Variants in CRLF2 observed in about 807,000 individuals in gnomAD.
CRLF2 encodes the protein cytokine receptor-like factor 2.
In CRLF2, 41 loss-of-function variants were observed where a neutral mutation model predicts 38.7. The observed-to-expected ratio is 1.06, with a 90% CI of 0.83 to 1.37. The LOEUF (loss-of-function observed/expected upper bound fraction) is 1.37, where lower values mean the gene tolerates loss of function less well. CRLF2 is among the 40% of genes most tolerant of loss of function. The pLI is 0.00. For missense variants in CRLF2, 377 were observed against 322.2 expected, an observed-to-expected ratio of 1.17 and a Z score of -1.30; for synonymous variants, 140 against 128.8, an observed-to-expected ratio of 1.09 and a Z score of -0.59.
In CRLF2 at chrX:1,202,644, A is replaced by C; in HGVS notation, c.350-109T>G. 6 of 1,239,414 alleles carry C rather than the reference A, an allele frequency of 4.8e-6. No homozygotes were observed. The South Asian group carries it at 7.6e-5, about 16-fold the overall frequency. The allele number at this position is 1,239,414 out of a possible 1,614,324, so 76.8% of individuals were successfully genotyped here. ...GTACCCCTCCTCCCCTTAATACCTT[A>C]TGGTGTCTCGGGGTTCACCCGTCCT... On this transcript the variant is annotated intron_variant, in intron 3 of 7. Coordinates refer to ENST00000400841, the MANE Select transcript of CRLF2 (RefSeq NM_022148.4).
intron 7 of CRLF2, among the ~76,000 whole-genome samples, chrX:1,191,679 G>GC (rs2086383460): frequency 6.6e-6 from 1 of 151,222 alleles, no homozygotes; most frequent in Non-Finnish European, 1.5e-5. Context: ...TTACAGACGT[G>GC]CACCACCACA....
chrX:1,210,381 C>T (rs112258175), intron 1 of CRLF2, among the ~76,000 whole-genome samples: 63,797 of 151,690 alleles, frequency 0.42, 14,385 homozygotes, highest in African/African-American at 0.57. Flanking sequence ...TGGTGCGATC[C>T]CGGCTCACTG....
At position 1,196,768 on chromosome X, in the gene CRLF2, A is replaced by G; in HGVS notation, c.767+12T>C. 2 of 1,612,886 alleles carry G rather than the reference A, an allele frequency of 1.2e-6. No homozygotes were observed. The highest frequency in any genetic ancestry group is 1.7e-6 in the Non-Finnish European group (2 of 1,179,354). The stretch of plus-strand genomic sequence containing the variant: ...GGTCCCTCCACCCACGGGCGGCAGG[A>G]GTCATCCTTACCTCCATAATTTCCA... On this transcript the variant is annotated intron_variant, in intron 6 of 7. Transcript: ENST00000400841.
chrX:1,193,636 G>A (rs1234110368), intron 6 of CRLF2, among the ~76,000 whole-genome samples: 1 of 151,926 alleles, frequency 6.6e-6, no homozygotes, highest in Non-Finnish European at 1.5e-5. Flanking sequence ...AAAAAAATTA[G>A]CCGGGCGTGG....
intron 1 of CRLF2, among the ~76,000 whole-genome samples, chrX:1,212,339 T>C (rs1316445932): frequency 6.7e-6 from 1 of 148,632 alleles, no homozygotes; most frequent in African/African-American, 2.5e-5. Context: ...TAAGTATACT[T>C]AATATTCATG....
intron 5 of CRLF2, among the ~76,000 whole-genome samples, chrX:1,197,359 C>T (rs1321831684): frequency 6.6e-6 from 1 of 151,702 alleles, no homozygotes; most frequent in African/African-American, 2.4e-5. Flanking sequence ...GAAAGAGACA[C>T]CGTGTCTCTG....
chrX:1,191,348 T>TCCTTCCTTC (rs1556415577), intron 7 of CRLF2, among the ~76,000 whole-genome samples, 188 bp from the exon 8 acceptor site: 3 of 122,756 alleles, frequency 2.4e-5, no homozygotes, highest in African/African-American at 8.4e-5. Flanking sequence ...TTTCTTTCCT[T>TCCTTCCTTC]CTTTCTTTCT....
intron 3 of CRLF2, among the ~76,000 whole-genome samples, chrX:1,204,712 A>T (rs2086663126): frequency 6.7e-6 from 1 of 149,916 alleles, no homozygotes; most frequent in South Asian, 2.1e-4. Context: ...TTTTTAATAG[A>T]GACGGGGTTT....
intron 1 of CRLF2, among the ~76,000 whole-genome samples, chrX:1,209,394 C>T (rs1233391656): frequency 4.6e-5 from 7 of 151,284 alleles, no homozygotes; most frequent in African/African-American, 1.7e-4. Flanking sequence ...TGCAGTGGCG[C>T]AATCTCGGCT....
At position 1,208,662 on chromosome X, in the gene CRLF2, C is replaced by T; in HGVS notation, c.182+144G>A. The T allele has an allele frequency of 6.3e-6, 4 of 635,350 alleles. No individual in the cohort carries two copies. In the South Asian group the frequency reaches 7.7e-5, roughly 12 times the overall value. The allele number at this position is 635,350 out of a possible 1,614,324, so 39.4% of individuals were successfully genotyped here. A position where few individuals can be genotyped will look rare whatever the true frequency, so the allele number is the denominator to read the frequency against. ...AATGAGATTGTGGTTGTGGTGAGGG[C>T]TGAGGGTTTCACAGAACAAACATTC... On this transcript the variant is annotated intron_variant, in intron 2 of 7. Coordinates refer to ENST00000400841, the MANE Select transcript of CRLF2 (RefSeq NM_022148.4).
intron 4 of CRLF2, among the ~76,000 whole-genome samples, chrX:1,201,694 G>A (rs1325668701): frequency 1.3e-5 from 2 of 150,970 alleles, no homozygotes; most frequent in Non-Finnish European, 3.0e-5. Context: ...TAGATAGATA[G>A]ATGATACTTA....
chrX:1,192,724 C>CT (rs1425395985), intron 7 of CRLF2, among the ~76,000 whole-genome samples: 1 of 65,660 alleles, frequency 1.5e-5, no homozygotes, highest in Non-Finnish European at 2.9e-5. Flanking sequence ...TTCTTTCTTT[C>CT]TTTCTTTCTT....
At chrX:1,207,531 T>TG (rs2086714368) in intron 2 of CRLF2, among the ~76,000 whole-genome samples, 1 of 107,720 alleles carries the variant, frequency 9.3e-6, no homozygotes, top group Non-Finnish European at 1.7e-5. Context: ...CCCAAAGTGC[T>TG]GGGATAACAG....
chrX:1,206,942 C>CTTT (rs766628411), intron 2 of CRLF2, among the ~76,000 whole-genome samples: 5 of 115,666 alleles, frequency 4.3e-5, no homozygotes, highest in African/African-American at 1.0e-4. Context: ...ACCACACCGG[C>CTTT]TTTTTTTTTT....
At chrX:1,192,726 TTCTTTC>T (rs1241020138) in intron 7 of CRLF2, among the ~76,000 whole-genome samples, 2 of 95,474 alleles carry the variant, frequency 2.1e-5, no homozygotes, top group East Asian at 4.3e-4. Context: ...CTTTCTTTCT[TTCTTTC>T]TTTCTTTCTT....
At chrX:1,192,211 A>C (rs2086396172) in intron 7 of CRLF2, among the ~76,000 whole-genome samples, 2 of 140,022 alleles carry the variant, frequency 1.4e-5, no homozygotes, top group South Asian at 4.6e-4. Flanking sequence ...TCTCAAAAAA[A>C]AAAAAAAAAC....
chrX:1,191,295 C>CTT (rs1556415440), intron 7 of CRLF2, 135 bp from the exon 8 acceptor site: 18 of 331,228 alleles, frequency 5.4e-5, no homozygotes, highest in South Asian at 4.0e-4. Flanking sequence ...CTTTTCTTTT[C>CTT]TCTTTCTTTC....
chrX:1,190,700 C>T lies in CRLF2; in HGVS notation c.*197G>A, dbSNP rs1465818246. On this transcript the variant is annotated 3_prime_UTR_variant, in exon 8 of 8. Transcript: ENST00000400841. ...CCATCTGCCATCAAGCCTTTGAACA[C>T]AGAGACTCATGTGGGGGAAAGTTAG... 7.5e-6 allele frequency: 3 copies of T among 397,536 alleles called. No individual in the cohort carries two copies. Among genetic ancestry groups the T allele is most frequent in the African/African-American group, 2.1e-5 (1 of 48,644 alleles). 24.6% of individuals were successfully genotyped at this position (397,536 alleles called of 1,614,324 possible). A position where few individuals can be genotyped will look rare whatever the true frequency, so the allele number is the denominator to read the frequency against.
intron 4 of CRLF2, among the ~76,000 whole-genome samples, chrX:1,200,185 A>C (rs1319583816): frequency 6.6e-6 from 1 of 151,082 alleles, no homozygotes; most frequent in Non-Finnish European, 1.5e-5. Flanking sequence ...TGTGTATATA[A>C]GCTGTGTATA....
Sources: gnomAD v4.1 joint callset for allele counts (sites outside exome capture counted in the v4.1 genomes callset) on GRCh38, gnomAD v4.1.1 for gene constraint, MANE v1.5 for transcripts, NCBI Gene and HGNC (gene_info 2026-07-23, HGNC 2026-07-21) for gene names.